Variants in DNAH14 observed in about 807,000 individuals in gnomAD.
DNAH14 encodes the protein axonemal beta dynein heavy chain 14.
DNAH14 carries 478 observed loss-of-function variants against 520.9 expected under a neutral mutation model. The observed-to-expected ratio is 0.92, with a 90% CI of 0.85 to 0.99. DNAH14 has a LOEUF of 0.99. Ranked by LOEUF, DNAH14 falls within the 50% of genes least tolerant of loss-of-function variation. DNAH14 has a pLI of 0.00. For synonymous variants in DNAH14, 1,581 were observed against 1,757.2 expected (o/e 0.90, Z 2.51); for missense variants, 4,831 against 5,234.5 (o/e 0.92, Z 2.38).
chr1:225,254,834 C>G (rs1269043369), intron 44 of DNAH14, among the ~76,000 whole-genome samples: 1 of 152,220 alleles, frequency 6.6e-6, no homozygotes, highest in African/African-American at 2.4e-5. Flanking sequence ...GCCAGCTCAA[C>G]AGCAAAGGTC....
At chr1:225,123,269 T>G (rs559630693) in intron 26 of DNAH14, among the ~76,000 whole-genome samples, 1 of 152,332 alleles carries the variant, frequency 6.6e-6, no homozygotes, top group Admixed American at 6.5e-5. Flanking sequence ...CGTCATCTCT[T>G]TTTATATATT....
At chr1:225,374,264 A>ATTTTTTTT (rs1314928550) in intron 77 of DNAH14, among the ~76,000 whole-genome samples, 2 of 66,412 alleles carry the variant, frequency 3.0e-5, no homozygotes, top group African/African-American at 9.5e-5. Context: ...ATATATATAT[A>ATTTTTTTT]TATATATTTT....
intron 8 of DNAH14, among the ~76,000 whole-genome samples, chr1:224,978,654 T>C (rs1350849492): frequency 6.6e-6 from 1 of 152,234 alleles, no homozygotes; most frequent in African/African-American, 2.4e-5. Flanking sequence ...TATTTCCTTT[T>C]TTTAGAGACA....
intron 8 of DNAH14, among the ~76,000 whole-genome samples, chr1:224,982,430 G>A (rs2062341722): frequency 6.6e-6 from 1 of 152,184 alleles, no homozygotes; most frequent in South Asian, 2.1e-4. Context: ...GGTGCCACGT[G>A]TGAGGAAAAA....
chr1:224,952,213 A>G (rs1256616950), intron 1 of DNAH14, among the ~76,000 whole-genome samples: 1 of 152,120 alleles, frequency 6.6e-6, no homozygotes, highest in East Asian at 1.9e-4. Context: ...CTTTTGTTCT[A>G]TTCTATTCTG....
At chr1:225,247,331 C>T (rs2092342929) in intron 43 of DNAH14, among the ~76,000 whole-genome samples, 1 of 152,004 alleles carries the variant, frequency 6.6e-6, no homozygotes, top group African/African-American at 2.4e-5. Flanking sequence ...CACCATGGCT[C>T]ATGTATACTT....
intron 41 of DNAH14, among the ~76,000 whole-genome samples, chr1:225,211,826 TG>T (rs2088467291): frequency 1.3e-5 from 2 of 151,850 alleles, no homozygotes; most frequent in Non-Finnish European, 2.9e-5. Flanking sequence ...CAGAAGAGAG[TG>T]GGGGCCAATA....
chr1:225,172,788 C>T (rs1399632143), intron 36 of DNAH14, among the ~76,000 whole-genome samples: 3 of 152,172 alleles, frequency 2.0e-5, no homozygotes, highest in Non-Finnish European at 4.4e-5. Context: ...CAAAAAAGAG[C>T]CCGCATTGCC....
At chr1:224,980,149 A>G (rs1055533609) in intron 8 of DNAH14, among the ~76,000 whole-genome samples, 1 of 152,290 alleles carries the variant, frequency 6.6e-6, no homozygotes, top group African/African-American at 2.4e-5. Context: ...CTTAGGTACT[A>G]TCTTGGCCAC....
chr1:224,998,926 GC>G (rs1329934889), intron 8 of DNAH14, among the ~76,000 whole-genome samples: 2 of 151,700 alleles, frequency 1.3e-5, no homozygotes, highest in African/African-American at 4.8e-5. Context: ...ACATTTTGCA[GC>G]CCTATTGTTT....
chr1:225,016,645 T>C (rs749878512), intron 10 of DNAH14, among the ~76,000 whole-genome samples: 1 of 152,190 alleles, frequency 6.6e-6, no homozygotes, highest in Admixed American at 6.5e-5. Context: ...TTCTTGTTTT[T>C]CTCTTCTCTT....
intron 43 of DNAH14, among the ~76,000 whole-genome samples, chr1:225,247,385 A>C (rs1011590016): frequency 3.3e-5 from 5 of 152,168 alleles, no homozygotes; most frequent in African/African-American, 1.2e-4. Context: ...CCAGAACTTA[A>C]AGAATAATAA....
intron 59 of DNAH14, 77 bp downstream of exon 59, chr1:225,307,646 A>T: frequency 4.5e-6 from 5 of 1,118,894 alleles, no homozygotes; most frequent in Non-Finnish European, 6.1e-6. Flanking sequence ...AGGCTCTGAT[A>T]CCTGACAAAG....
intron 66 of DNAH14, among the ~76,000 whole-genome samples, chr1:225,335,880 TATATGTAC>T (rs796385411): frequency 8.4e-5 from 2 of 23,718 alleles, no homozygotes; most frequent in African/African-American, 2.6e-4. Flanking sequence ...CACATATACA[TATATGTAC>T]ATATACATAC....
chr1:224,995,884 T>C (rs2063357407), intron 8 of DNAH14, among the ~76,000 whole-genome samples: 1 of 152,082 alleles, frequency 6.6e-6, no homozygotes, highest in Admixed American at 6.5e-5. Flanking sequence ...AGGATTTGTA[T>C]TTTGCTTCTT....
chr1:225,086,473 CAT>C lies in DNAH14; in HGVS notation c.3573+685_3573+686del, dbSNP rs533001542. Among the ~76,000 whole-genome samples the C allele has an allele frequency of 6.7e-3, 1,023 of 152,020 alleles. 3 individuals are homozygous for C. The highest frequency in any genetic ancestry group is 0.014 in the Middle Eastern group (4 of 294). The stretch of plus-strand genomic sequence containing the variant: ...TAAAATGTCAAGAAACTCAACATGA[CAT>C]GTGATAATATAGAGATAGTAAGTAG... On this transcript the variant is annotated intron_variant, in intron 21 of 85. Transcript: ENST00000682510.
intron 41 of DNAH14, among the ~76,000 whole-genome samples, chr1:225,230,814 A>G (rs530746086): frequency 2.6e-5 from 4 of 152,310 alleles, no homozygotes; most frequent in African/African-American, 9.6e-5. Context: ...TTTAAAAAGG[A>G]TAGAATAGAA....
intron 21 of DNAH14, among the ~76,000 whole-genome samples, chr1:225,096,808 A>G (rs902047161): frequency 6.6e-6 from 1 of 152,206 alleles, no homozygotes; most frequent in African/African-American, 2.4e-5. Context: ...TGTGATAAGA[A>G]GTAGGAAATA....
chr1:225,080,235 G>C lies in DNAH14; in HGVS notation c.2767-144G>C, dbSNP rs2072959120. ...TCTGGGCCAATCTTTATCTTTGTCT[G>C]GGCCAAATGGTAATGATAGTTCCAG... On this transcript the variant is annotated intron_variant, in intron 18 of 85. Coordinates refer to ENST00000682510, the MANE Select transcript of DNAH14 (RefSeq NM_001367479.1). The C allele has an allele frequency of 7.1e-6, 6 of 841,498 alleles. No individual in the cohort carries two copies. The East Asian group carries it at 1.7e-4, about 24-fold the overall frequency. The allele number at this position is 841,498 out of a possible 1,614,324, so 52.1% of individuals were successfully genotyped here.
Sources: gnomAD v4.1 joint callset for allele counts (sites outside exome capture counted in the v4.1 genomes callset) on GRCh38, gnomAD v4.1.1 for gene constraint, MANE v1.5 for transcripts, NCBI Gene and HGNC (gene_info 2026-07-23, HGNC 2026-07-21) for gene names.